XRN1: variants seen among roughly 807,000 people sequenced by gnomAD.
XRN1 encodes the protein strand-exchange protein 1 homolog.
Under a neutral mutation model 222.3 loss-of-function variants are expected in XRN1, and 67 were observed. That is an observed-to-expected ratio of 0.30 (90% CI 0.25 to 0.37). The LOEUF is 0.37. XRN1 is among the 10% of genes least tolerant of loss of function. The probability of loss-of-function intolerance (pLI) is 1.00; values close to 1 mark genes in which losing one functional copy is unlikely to be tolerated. For missense variants in XRN1, 1,707 were observed against 2,000.2 expected, an observed-to-expected ratio of 0.85 and a Z score of 2.80; for synonymous variants, 643 against 652.4, an observed-to-expected ratio of 0.99 and a Z score of 0.22.
intron 37 of XRN1, among the ~76,000 whole-genome samples, chr3:142,326,156 ATT>A (rs746915146): frequency 6.4e-5 from 9 of 139,918 alleles, no homozygotes; most frequent in African/African-American, 1.8e-4. Flanking sequence ...AAATTTTAGG[ATT>A]TTTTTTTTTT....
chr3:142,381,469 T>A (rs73238170), intron 22 of XRN1, among the ~76,000 whole-genome samples: 19,865 of 152,074 alleles, frequency 0.13, 1,317 homozygotes, highest in African/African-American at 0.14. Flanking sequence ...GATCAGATAT[T>A]GCATTTAATT....
chr3:142,406,073 G>C (rs1302756716), intron 15 of XRN1, among the ~76,000 whole-genome samples: 3 of 151,956 alleles, frequency 2.0e-5, no homozygotes, highest in Admixed American at 6.6e-5. Context: ...AAAAGAAAGA[G>C]AAATGGGGAG....
At chr3:142,330,239 G>C (rs2065656382) in intron 36 of XRN1, among the ~76,000 whole-genome samples, 1 of 152,166 alleles carries the variant, frequency 6.6e-6, no homozygotes, top group Non-Finnish European at 1.5e-5. Context: ...TCATCCTTAA[G>C]TTTTGAAGTT....
At chr3:142,342,700 T>C (rs1315357860) in intron 33 of XRN1, among the ~76,000 whole-genome samples, 1 of 152,116 alleles carries the variant, frequency 6.6e-6, no homozygotes, top group Non-Finnish European at 1.5e-5. Flanking sequence ...GTCTCCTCAA[T>C]AAATGGTGCT....
rs67278209 is a variant in XRN1, at chr3:142,328,703, TTATATATATATATATA to T, written c.4404+715_4404+730del. ...TAAACATATAGGTTTACTTGTAATATTATATATATATATATATATATATATATATATATATATATAT... is the reference window on the plus strand; with the variant it reads ...TAAACATATAGGTTTACTTGTAATATTATATATATATATATATATATATAT... On this transcript the variant is annotated intron_variant, in intron 37 of 40. Coordinates refer to ENST00000392981, the MANE Select transcript of XRN1 (RefSeq NM_001282857.2). Among the ~76,000 whole-genome samples the T allele has an allele frequency of 1.6e-3, 76 of 47,166 alleles. 1 individual carries two copies. Among genetic ancestry groups the T allele is most frequent in the South Asian group, 2.8e-3 (3 of 1,068 alleles). The allele number at this position is 47,166 out of a possible 152,430, so 30.9% of individuals were successfully genotyped here.
chr3:142,425,422 T>G lies in XRN1; in HGVS notation c.516+7A>C. The G allele has an allele frequency of 6.2e-7, 1 of 1,601,462 alleles. No homozygotes were observed. Among genetic ancestry groups the G allele is most frequent in the Non-Finnish European group, 8.5e-7 (1 of 1,173,694 alleles). On this transcript the variant is annotated splice_region_variant and intron_variant, in intron 4 of 40. Coordinates refer to ENST00000392981, the MANE Select transcript of XRN1 (RefSeq NM_001282857.2). ...TTTAAACTCTTTAAATAAAAAAAGA[T>G]AATAACCTCATGGCCTGAGAAGTAG...
chr3:142,379,596 TG>T (rs1553730203), intron 23 of XRN1, among the ~76,000 whole-genome samples: 1 of 152,164 alleles, frequency 6.6e-6, no homozygotes, highest in Non-Finnish European at 1.5e-5. Flanking sequence ...AGAACGCCAG[TG>T]GAATTTTTTG....
intron 40 of XRN1, among the ~76,000 whole-genome samples, chr3:142,312,051 C>A (rs555363817): frequency 6.6e-6 from 1 of 152,156 alleles, no homozygotes; most frequent in Non-Finnish European, 1.5e-5. Context: ...CTTTGGGAGG[C>A]CGAGGCAGGT....
chr3:142,337,074 A>C (rs932582009), intron 33 of XRN1, among the ~76,000 whole-genome samples: 1 of 152,156 alleles, frequency 6.6e-6, no homozygotes, highest in African/African-American at 2.4e-5. Context: ...TATATAGATA[A>C]ATAAAATACC....
At chr3:142,430,149 A>G (rs577446960) in intron 2 of XRN1, among the ~76,000 whole-genome samples, 14 of 152,330 alleles carry the variant, frequency 9.2e-5, no homozygotes, top group Admixed American at 2.6e-4. Context: ...ATGTGGTAAT[A>G]GTTCTGCCAC....
intron 33 of XRN1, among the ~76,000 whole-genome samples, chr3:142,344,846 T>C (rs1440139509): frequency 6.6e-6 from 1 of 152,188 alleles, no homozygotes; most frequent in Non-Finnish European, 1.5e-5. Flanking sequence ...ACAGATTCAA[T>C]GCAATCCCTA....
In XRN1 at chr3:142,380,139, A is replaced by G; in HGVS notation, c.2658T>C (p.Arg886=). ...GTTCACATGGAATGCTGAAAATCAC[A>G]CGAATCCTACCTTCTGTAATCACAT... ...SGDVITEGRI[R]VIFSIPCEPN... Residue 886 remains arginine, a synonymous_variant, in exon 23 of 41, where the codon CGT becomes CGC. Coordinates refer to ENST00000392981, the MANE Select transcript of XRN1 (RefSeq NM_001282857.2). 1 of 1,614,018 alleles carries G rather than the reference A, an allele frequency of 6.2e-7. No individual in the cohort carries two copies. Among genetic ancestry groups the G allele is most frequent in the Non-Finnish European group, 8.5e-7 (1 of 1,179,938 alleles).
intron 37 of XRN1, among the ~76,000 whole-genome samples, chr3:142,321,105 C>CTTTTTTT (rs573856556): frequency 8.1e-4 from 71 of 87,304 alleles, no homozygotes; most frequent in Non-Finnish European, 1.1e-3. Context: ...CATCCACTTC[C>CTTTTTTT]TTTTTTTTTT....
At chr3:142,433,115 C>T (rs1379798849) in intron 1 of XRN1, among the ~76,000 whole-genome samples, 1 of 152,146 alleles carries the variant, frequency 6.6e-6, no homozygotes, top group Non-Finnish European at 1.5e-5. Flanking sequence ...ATCAAATTTA[C>T]TGTCAGAAAA....
intron 33 of XRN1, among the ~76,000 whole-genome samples, chr3:142,336,936 A>G (rs959902767): frequency 2.6e-5 from 4 of 152,178 alleles, no homozygotes; most frequent in Non-Finnish European, 5.9e-5. Flanking sequence ...ATAAACCAAA[A>G]TAACATACAG....
chr3:142,329,245 C>A (rs1010732153), intron 37 of XRN1, among the ~76,000 whole-genome samples, 189 bp downstream of exon 37: 3 of 152,088 alleles, frequency 2.0e-5, no homozygotes, highest in African/African-American at 7.2e-5. Context: ...CAGTTCCTCC[C>A]TGTCAGCTTC....
intron 1 of XRN1, among the ~76,000 whole-genome samples, chr3:142,433,624 G>A (rs2069728608): frequency 6.6e-6 from 1 of 152,164 alleles, no homozygotes; most frequent in Non-Finnish European, 1.5e-5. Flanking sequence ...AAAAGTAAAT[G>A]TTTGTGAGGA....
chr3:142,389,540 C>G (rs1275822072), intron 20 of XRN1, among the ~76,000 whole-genome samples: 1 of 152,054 alleles, frequency 6.6e-6, no homozygotes, highest in Non-Finnish European at 1.5e-5. Flanking sequence ...AGAGCAGTCA[C>G]TCAGAGTCTC....
At chr3:142,399,429 T>A (rs1335215782) in intron 19 of XRN1, among the ~76,000 whole-genome samples, 1 of 152,038 alleles carries the variant, frequency 6.6e-6, no homozygotes, top group Non-Finnish European at 1.5e-5. Flanking sequence ...TTATACCTTA[T>A]ACAAAAATTA....
Sources: allele counts gnomAD v4.1 joint callset (sites outside exome capture counted in the v4.1 genomes callset), GRCh38; gene constraint gnomAD v4.1.1; transcripts MANE v1.5; gene names NCBI Gene and HGNC (gene_info 2026-07-23, HGNC 2026-07-21).